The following VSIG10 variants were observed in gnomAD, a reference collection of about 807,000 sequenced individuals.
The protein encoded by VSIG10 is V-set and immunoglobulin domain containing 10.
In VSIG10, 48 loss-of-function variants were observed where a neutral mutation model predicts 58.7. The ratio of observed to expected loss-of-function variants is 0.82; its 90% CI spans 0.65 to 1.04. The LOEUF (loss-of-function observed/expected upper bound fraction) is 1.04. Ranked by LOEUF, VSIG10 falls within the 50% of genes least tolerant of loss-of-function variation. The probability of loss-of-function intolerance (pLI) is 0.00; values close to 1 mark genes in which losing one functional copy is unlikely to be tolerated. For synonymous variants in VSIG10, 260 were observed against 267.1 expected (o/e 0.97, Z 0.26); for missense variants, 628 against 670.0 (o/e 0.94, Z 0.69).
At chr12:118,072,165 A>G (rs936611025) in intron 5 of VSIG10, among the ~76,000 whole-genome samples, 47 of 138,070 alleles carry the variant, frequency 3.4e-4, no homozygotes, top group Non-Finnish European at 1.1e-4. Flanking sequence ...GCGAAATTCC[A>G]TCTCAAAGAA....
At chr12:118,068,087 G>C (rs139616163) in intron 8 of VSIG10, among the ~76,000 whole-genome samples, 3,333 of 138,656 alleles carry the variant, frequency 0.024, 68 homozygotes, top group Non-Finnish European at 0.038. Flanking sequence ...GGAGTGCAGT[G>C]GTGTGATCAT....
At chr12:118,081,999 A>G in intron 3 of VSIG10, 128 bp downstream of exon 3, 1 of 1,112,812 alleles carries the variant, frequency 9.0e-7, no homozygotes, top group Non-Finnish European at 1.2e-6. Context: ...CCTGGGCAAG[A>G]AGAGGGAAAC....
chr12:118,074,313 A>C (rs948832579), intron 4 of VSIG10, among the ~76,000 whole-genome samples: 1 of 151,954 alleles, frequency 6.6e-6, no homozygotes, highest in Admixed American at 6.6e-5. Context: ...CAAACTCCCA[A>C]CCTCAGGTGA....
At chr12:118,084,847 G>A (rs1180583780) in intron 2 of VSIG10, among the ~76,000 whole-genome samples, 4 of 152,092 alleles carry the variant, frequency 2.6e-5, no homozygotes, top group African/African-American at 9.7e-5. Context: ...GTGAAACCCC[G>A]TCTCTACTAA....
chr12:118,096,236 A>G (rs1251571591), intron 1 of VSIG10, among the ~76,000 whole-genome samples: 1 of 152,036 alleles, frequency 6.6e-6, no homozygotes, highest in Non-Finnish European at 1.5e-5. Context: ...AGGTCAAGAC[A>G]TCGAGACCAT....
At chr12:118,090,052 C>G (rs34898170) in intron 2 of VSIG10, among the ~76,000 whole-genome samples, 18,521 of 152,108 alleles carry the variant, frequency 0.12, 1,271 homozygotes, top group South Asian at 0.18. Context: ...CAATGGCTCA[C>G]GCCTGTAATC....
chr12:118,085,271 T>A (rs2033087649), intron 2 of VSIG10, among the ~76,000 whole-genome samples: 1 of 152,182 alleles, frequency 6.6e-6, no homozygotes, highest in South Asian at 2.1e-4. Context: ...AGATTCCCTT[T>A]CTTGGAAGTT....
At chr12:118,069,221 C>T (rs1304915195) in intron 7 of VSIG10, among the ~76,000 whole-genome samples, 1 of 152,034 alleles carries the variant, frequency 6.6e-6, no homozygotes, top group Non-Finnish European at 1.5e-5. Flanking sequence ...ACCCAAGTAG[C>T]TGGGACTACA....
At chr12:118,072,560 G>A (rs1593496609) in intron 5 of VSIG10, among the ~76,000 whole-genome samples, 1 of 151,480 alleles carries the variant, frequency 6.6e-6, no homozygotes, top group African/African-American at 2.4e-5. Flanking sequence ...AAAGGGAGAA[G>A]GGAAGGGAAG....
intron 2 of VSIG10, among the ~76,000 whole-genome samples, chr12:118,086,350 C>T (rs1016983077): frequency 1.3e-5 from 2 of 151,548 alleles, no homozygotes; most frequent in Non-Finnish European, 2.9e-5. Flanking sequence ...TGCCTGTAAT[C>T]CCAGCTACTT....
At chr12:118,071,116 A>T in intron 6 of VSIG10, 49 bp from the exon 7 acceptor site, 1 of 1,570,028 alleles carries the variant, frequency 6.4e-7, no homozygotes, top group Non-Finnish European at 8.7e-7. Context: ...ATCCACTTCA[A>T]CCTGACAGGT....
At chr12:118,091,789 C>A (rs1417787087) in intron 2 of VSIG10, among the ~76,000 whole-genome samples, 2 of 151,622 alleles carry the variant, frequency 1.3e-5, no homozygotes. Context: ...CGGAGTTTCA[C>A]TCTTGTTGCC....
intron 2 of VSIG10, among the ~76,000 whole-genome samples, chr12:118,084,397 A>G (rs765585126): frequency 2.6e-5 from 4 of 152,208 alleles, no homozygotes; most frequent in Non-Finnish European, 4.4e-5. Flanking sequence ...TGCACCACAC[A>G]GTCTGTGCTA....
At chr12:118,083,049 G>A (rs2033010633) in intron 2 of VSIG10, among the ~76,000 whole-genome samples, 2 of 139,940 alleles carry the variant, frequency 1.4e-5, no homozygotes, top group African/African-American at 5.1e-5. Context: ...GGAGATGGAT[G>A]TTGTAGGGAG....
rs1163953698 is a variant in VSIG10 at position 118,064,941 on chromosome 12, T to TA, written c.*1697dup. The TA allele has an allele frequency of 1.3e-5, 2 of 152,056 alleles. No homozygotes were observed. The highest frequency in any genetic ancestry group is 2.9e-5 in the Non-Finnish European group (2 of 68,010). The allele number at this position is 152,056 out of a possible 1,614,324, so 9.4% of individuals were successfully genotyped here. The stretch of plus-strand genomic sequence containing the variant: ...CCTAGGTCCTGCCCACTAGAGCAGA[T>TA]ACGCAACATTAAAGAGTGCAAATTC... On this transcript the variant is annotated 3_prime_UTR_variant, in exon 9 of 9. Coordinates refer to ENST00000359236, the MANE Select transcript of VSIG10 (RefSeq NM_019086.6).
chr12:118,071,548 G>T, intron 5 of VSIG10, 79 bp from the exon 6 acceptor site: 1 of 1,304,532 alleles, frequency 7.7e-7, no homozygotes, highest in Non-Finnish European at 1.1e-6. Flanking sequence ...TCTCTGCGTG[G>T]ATCCAGTTCT....
At position 118,091,673 on chromosome 12, in the gene VSIG10, A is replaced by G. The variant is rs1044494753; in HGVS notation, c.361+3860T>C. Among the ~76,000 whole-genome samples the G allele has an allele frequency of 3.5e-4, 53 of 152,320 alleles. 1 individual carries two copies. Among genetic ancestry groups the G allele is most frequent in the African/African-American group, 1.2e-3 (50 of 41,576 alleles). On this transcript the variant is annotated intron_variant, in intron 2 of 8. Transcript: ENST00000359236. ...TGAATCTATGTTGAATAAAGGAATT[A>G]GTAGGTTCTTTATTTTACAGATGAG...
chr12:118,075,140 ATATGTG>A (rs2032666542), intron 4 of VSIG10, among the ~76,000 whole-genome samples: 1 of 133,922 alleles, frequency 7.5e-6, no homozygotes, highest in Non-Finnish European at 1.6e-5. Flanking sequence ...ATATATGTAT[ATATGTG>A]TATATGTATA....
intron 6 of VSIG10, 39 bp from the exon 7 acceptor site, chr12:118,071,106 A>T: frequency 3.2e-6 from 5 of 1,578,926 alleles, no homozygotes; most frequent in Non-Finnish European, 4.3e-6. Context: ...ATCCAGTAAC[A>T]TCCACTTCAA....
Sources: gnomAD v4.1 joint callset for allele counts (sites outside exome capture counted in the v4.1 genomes callset) on GRCh38, gnomAD v4.1.1 for gene constraint, MANE v1.5 for transcripts, NCBI Gene and HGNC (gene_info 2026-07-23, HGNC 2026-07-21) for gene names.